PTPRZ1: variants seen among roughly 807,000 people sequenced by gnomAD.
PTPRZ1 encodes the protein receptor-type tyrosine-protein phosphatase zeta.
PTPRZ1 carries 82 observed loss-of-function variants against 214.1 expected under a neutral mutation model. The ratio of observed to expected loss-of-function variants is 0.38; its 90% CI spans 0.32 to 0.46. The LOEUF is 0.46. PTPRZ1 is among the 20% of genes least tolerant of loss of function. The pLI is 1.00. For synonymous variants in PTPRZ1, 945 were observed against 987.9 expected (o/e 0.96, Z 0.81); for missense variants, 2,603 against 2,748.7 (o/e 0.95, Z 1.19).
intron 2 of PTPRZ1, among the ~76,000 whole-genome samples, chr7:121,944,923 C>T (rs1034040520): frequency 6.6e-6 from 1 of 152,132 alleles, no homozygotes; most frequent in Non-Finnish European, 1.5e-5. Flanking sequence ...AATTACAGCG[C>T]AAGCCACCAT....
intron 8 of PTPRZ1, among the ~76,000 whole-genome samples, chr7:121,989,810 G>T (rs569218013): frequency 6.6e-6 from 1 of 151,990 alleles, no homozygotes; most frequent in Admixed American, 6.6e-5. Context: ...ATTATAAAGC[G>T]TAGAAAATAT....
chr7:121,997,742 C>A, intron 9 of PTPRZ1, 138 bp from the exon 10 acceptor site: 1 of 564,058 alleles, frequency 1.8e-6, no homozygotes, highest in Non-Finnish European at 2.8e-6. Flanking sequence ...AGCAACATTG[C>A]ATAAACTTTT....
chr7:122,041,014 A>G, intron 21 of PTPRZ1, 35 bp downstream of exon 21: 1 of 1,420,656 alleles, frequency 7.0e-7, no homozygotes, highest in Non-Finnish European at 9.3e-7. Context: ...AACCCATAGA[A>G]TTGCTTATAC....
At position 122,011,991 on chromosome 7, in the gene PTPRZ1, C is replaced by A; in HGVS notation, c.2945C>A (p.Ser982Ter). ...PKSSLITPTA[S>*]LLQPTHALSG... ...TCTTCGTTAATAACCCCAACTGCAT[C>A]ATTACTGCAGCCTACTCATGCCCTC... The change falls in exon 12 of 30, where the codon TCA becomes TAA. Residue 982 changes from serine (S) to a stop codon, truncating the protein, a stop_gained. Coordinates refer to ENST00000393386, the MANE Select transcript of PTPRZ1 (RefSeq NM_002851.3). LOFTEE classifies it high-confidence loss of function. The A allele has an allele frequency of 6.2e-7, 1 of 1,614,110 alleles. No homozygotes were observed. Among genetic ancestry groups the A allele is most frequent in the Non-Finnish European group, 8.5e-7 (1 of 1,179,928 alleles).
At chr7:121,986,004 A>G (rs1797753983) in intron 8 of PTPRZ1, among the ~76,000 whole-genome samples, 2 of 152,252 alleles carry the variant, frequency 1.3e-5, no homozygotes, top group Non-Finnish European at 2.9e-5. Context: ...TAATAAAAAC[A>G]TAGCAAGTTA....
At chr7:121,944,954 T>TTTGTCA (rs1442891501) in intron 2 of PTPRZ1, among the ~76,000 whole-genome samples, 1 of 152,166 alleles carries the variant, frequency 6.6e-6, no homozygotes, top group Non-Finnish European at 1.5e-5. Flanking sequence ...GATTACATTT[T>TTTGTCA]TTGTCATTGG....
At chr7:121,954,687 T>G (rs1237381484) in intron 2 of PTPRZ1, among the ~76,000 whole-genome samples, 2 of 152,216 alleles carry the variant, frequency 1.3e-5, no homozygotes, top group Non-Finnish European at 2.9e-5. Context: ...TTATTCATCT[T>G]TGAATCTTTT....
In PTPRZ1 at chr7:121,996,439, T is replaced by C. The variant is rs1288252681; in HGVS notation, c.986T>C (p.Leu329Pro). 1.2e-6 allele frequency: 2 copies of C among 1,613,408 alleles called. No individual in the cohort carries two copies. The highest frequency in any genetic ancestry group is 1.1e-5 in the South Asian group (1 of 90,936). ...GACCCAGAGAATTATACCAGCCTTCTTGTTACATGGGAAAGACCTCGAGTC... is the reference window on the plus strand; with the variant it reads ...GACCCAGAGAATTATACCAGCCTTCCTGTTACATGGGAAAGACCTCGAGTC... ...QADPENYTSL[L>P]VTWERPRVVY... Residue 329 changes from leucine to proline, a missense_variant, in exon 9 of 30, where the codon CTT becomes CCT. Transcript: ENST00000393386.
chr7:122,017,538 C>CATTT (rs3069214), intron 12 of PTPRZ1, among the ~76,000 whole-genome samples: 15,419 of 140,030 alleles, frequency 0.11, 1,013 homozygotes, highest in Non-Finnish European at 0.14. Context: ...TGATACATTA[C>CATTT]ATTTATTTAT....
intron 1 of PTPRZ1, among the ~76,000 whole-genome samples, chr7:121,923,245 A>G (rs1330516581): frequency 6.6e-6 from 1 of 151,962 alleles, no homozygotes; most frequent in Non-Finnish European, 1.5e-5. Flanking sequence ...TAATTCTATC[A>G]TTTCTTTGCC....
At chr7:122,047,933 C>T (rs539833839) in intron 23 of PTPRZ1, among the ~76,000 whole-genome samples, 1 of 152,160 alleles carries the variant, frequency 6.6e-6, no homozygotes, top group African/African-American at 2.4e-5. Flanking sequence ...GAATTATAGC[C>T]ATGAGCCACT....
intron 2 of PTPRZ1, among the ~76,000 whole-genome samples, chr7:121,933,252 T>G (rs1440641396): frequency 6.6e-6 from 1 of 152,058 alleles, no homozygotes; most frequent in Non-Finnish European, 1.5e-5. Context: ...AATCTTCTTT[T>G]CGAGTTGTTA....
At chr7:121,926,065 G>T (rs999858348) in intron 1 of PTPRZ1, among the ~76,000 whole-genome samples, 8 of 152,142 alleles carry the variant, frequency 5.3e-5, no homozygotes, top group African/African-American at 1.9e-4. Flanking sequence ...AGCACTTTGG[G>T]AGGCCAAGGC....
intron 1 of PTPRZ1, chr7:121,909,065 C>T (rs1394214945): frequency 7.2e-6 from 3 of 417,288 alleles, no homozygotes; most frequent in Non-Finnish European, 1.4e-5. Context: ...CTCTCTTCTA[C>T]CTTCAAATTA....
At chr7:122,030,735 T>C (rs939341355) in intron 14 of PTPRZ1, among the ~76,000 whole-genome samples, 1 of 151,986 alleles carries the variant, frequency 6.6e-6, no homozygotes, top group African/African-American at 2.4e-5. Context: ...CTTGTAAAAT[T>C]GCATACTGTG....
chr7:121,980,072 T>G (rs757131133), intron 6 of PTPRZ1, among the ~76,000 whole-genome samples: 4 of 152,142 alleles, frequency 2.6e-5, no homozygotes, highest in Non-Finnish European at 5.9e-5. Flanking sequence ...TTTTTAAATT[T>G]TTTCCCCTTT....
intron 24 of PTPRZ1, 80 bp downstream of exon 24, chr7:122,051,601 C>A: frequency 2.5e-6 from 3 of 1,204,252 alleles, no homozygotes; most frequent in East Asian, 2.4e-5. Context: ...TATTTGTATA[C>A]CTTTGGAGCA....
chr7:121,949,024 G>A (rs959665629), intron 2 of PTPRZ1, among the ~76,000 whole-genome samples: 1 of 152,078 alleles, frequency 6.6e-6, no homozygotes, highest in African/African-American at 2.4e-5. Context: ...TGTGCCCAAG[G>A]TGGTCAGAGC....
At chr7:121,929,236 T>A (rs1423229699) in intron 2 of PTPRZ1, among the ~76,000 whole-genome samples, 2 of 152,154 alleles carry the variant, frequency 1.3e-5, no homozygotes, top group Non-Finnish European at 2.9e-5. Flanking sequence ...CAGTTTTTAT[T>A]ATCCAAAATT....
Sources: allele counts gnomAD v4.1 joint callset (sites outside exome capture counted in the v4.1 genomes callset), GRCh38; gene constraint gnomAD v4.1.1; transcripts MANE v1.5; gene names NCBI Gene and HGNC (gene_info 2026-07-23, HGNC 2026-07-21).